The following UROD variants were observed in gnomAD, a reference collection of about 807,000 sequenced individuals.
The protein encoded by UROD is uroporphyrinogen III decarboxylase.
UROD carries 34 observed loss-of-function variants against 47.1 expected under a neutral mutation model. The ratio of observed to expected loss-of-function variants is 0.72; its 90% CI spans 0.55 to 0.96. The LOEUF is 0.96. Ranked by LOEUF, UROD falls within the 40% of genes least tolerant of loss-of-function variation. The pLI, the probability that UROD is intolerant of heterozygous loss-of-function variation, is 0.00. For missense variants in UROD, 381 were observed against 471.8 expected (o/e 0.81, Z 1.78); for synonymous variants, 148 against 175.8 (o/e 0.84, Z 1.25).
intron 1 of UROD, among the ~76,000 whole-genome samples, chr1:45,012,501 C>G (rs1239956148): frequency 6.6e-6 from 1 of 152,224 alleles, no homozygotes; most frequent in East Asian, 1.9e-4. Context: ...ACCAGGATCT[C>G]TATTCTGGGA....
At chr1:45,014,260 C>T (rs897066722) in intron 6 of UROD, 179 bp from the exon 7 acceptor site, 2 of 1,295,516 alleles carry the variant, frequency 1.5e-6, no homozygotes, top group Non-Finnish European at 1.1e-6. Context: ...AGTATTCAGA[C>T]ACCAAAGTTA....
In UROD at chr1:45,014,843, C is replaced by G; in HGVS notation, c.875+7C>G. 1 of 1,614,150 alleles carries G rather than the reference C, an allele frequency of 6.2e-7. No individual in the cohort carries two copies. Among genetic ancestry groups the G allele is most frequent in the Non-Finnish European group, 8.5e-7 (1 of 1,180,012 alleles). On this transcript the variant is annotated splice_region_variant and intron_variant, in intron 8 of 9. Coordinates refer to ENST00000246337, the MANE Select transcript of UROD (RefSeq NM_000374.5). ...TGGCCCCAAAGAAAGCCCGGTAAGC[C>G]ATGGAAGGGTGAGGCCTTGAGGTTG... is the stretch of plus-strand genomic sequence containing the variant.
At chr1:45,012,670 G>C (rs1009175901) in intron 1 of UROD, 1 of 801,418 alleles carries the variant, frequency 1.2e-6, no homozygotes, top group Middle Eastern at 3.7e-4. Flanking sequence ...TGGTTGCTTC[G>C]AGCTTGGAAG....
chr1:45,015,312 A>G (rs1289028929), intron 9 of UROD, 25 bp from the exon 10 acceptor site: 1 of 1,613,144 alleles, frequency 6.2e-7, no homozygotes, highest in Admixed American at 1.7e-5. Flanking sequence ...GTCCTCCTGT[A>G]GCCAGTGCCC....
At position 45,014,991 on chromosome 1, in the gene UROD, C is replaced by T. The variant is rs1484498915; in HGVS notation, c.927C>T (p.Ala309=). 2 of 1,613,872 alleles carry T rather than the reference C, an allele frequency of 1.2e-6. No homozygotes were observed. Among genetic ancestry groups the T allele is most frequent in the South Asian group, 2.2e-5 (2 of 91,052 alleles). The change falls in exon 9 of 10, where the codon GCC becomes GCT. Residue 309 remains alanine (A), a synonymous_variant. Coordinates refer to ENST00000246337, the MANE Select transcript of UROD (RefSeq NM_000374.5). ...TGCAGGGCAACCTGGACCCCTGTGCCTTGTATGCATCTGAGGTAACAGCCA... is the reference window on the plus strand; with the variant it reads ...TGCAGGGCAACCTGGACCCCTGTGCTTTGTATGCATCTGAGGTAACAGCCA... ...VTLQGNLDPC[A]LYASEEEIGQ... is the part of the protein sequence containing the mutation.
At chr1:45,014,368 G>A in intron 6 of UROD, 71 bp from the exon 7 acceptor site, 1 of 1,611,102 alleles carries the variant, frequency 6.2e-7, no homozygotes, top group South Asian at 1.1e-5. Flanking sequence ...GGAAAATTGA[G>A]GTGGATTTTG....
chr1:45,015,322 C>T lies in UROD; in HGVS notation c.943-15C>T. 1 of 1,613,650 alleles carries T rather than the reference C, an allele frequency of 6.2e-7. No individual in the cohort carries two copies. Among genetic ancestry groups the T allele is most frequent in the South Asian group, 1.1e-5 (1 of 91,014 alleles). ...TGCTGGTCCTCCTGTAGCCAGTGCC[C>T]TGTTGGTCCCCCAGGAGGAGATCGG... On this transcript the variant is annotated splice_polypyrimidine_tract_variant and intron_variant, in intron 9 of 9. Coordinates refer to ENST00000246337, the MANE Select transcript of UROD (RefSeq NM_000374.5).
chr1:45,013,710 A>G lies in UROD; in HGVS notation c.393A>G (p.Leu131=). ...ATCCAGAAGTGGTAGCCTCTGAGCT[A>G]GGCTATGTGTTCCAAGCCATCACCC... The part of the protein sequence containing the change: ...LRDPEVVASE[L]GYVFQAITLT... The change falls in exon 5 of 10, where the codon CTA becomes CTG. Residue 131 remains leucine (L), a synonymous_variant. Transcript: ENST00000246337. This position sits in a 1 kb window ranked among gnomAD's most constrained non-coding sequence, Gnocchi z 4.2. 1 of 1,614,154 alleles carries G rather than the reference A, an allele frequency of 6.2e-7. No individual in the cohort carries two copies. The highest frequency in any genetic ancestry group is 1.1e-5 in the South Asian group (1 of 91,090).
chr1:45,015,423 T>A lies in UROD; in HGVS notation c.1029T>A (p.Pro343=). The A allele has an allele frequency of 6.2e-7, 1 of 1,614,216 alleles. No homozygotes were observed. Among genetic ancestry groups the A allele is most frequent in the Non-Finnish European group, 8.5e-7 (1 of 1,180,040 alleles). The change falls in exon 10 of 10, where the codon CCT becomes CCA. Residue 343 remains proline, a synonymous_variant. Coordinates refer to ENST00000246337, the MANE Select transcript of UROD (RefSeq NM_000374.5). The stretch of plus-strand genomic sequence containing the variant: ...CCAACCTGGGCCATGGGCTTTATCC[T>A]GACATGGACCCAGAACATGTGGGCG... ...YIANLGHGLY[P]DMDPEHVGAF...
rs1644827139 is a variant in UROD at position 45,013,965 on chromosome 1, C to T, written c.531C>T (p.Ala177=). The T allele has an allele frequency of 6.2e-7, 1 of 1,614,234 alleles. No homozygotes were observed. Among genetic ancestry groups the T allele is most frequent in the Non-Finnish European group, 8.5e-7 (1 of 1,180,054 alleles). The change falls in exon 6 of 10, where the codon GCC becomes GCT. Residue 177 remains alanine (A), a synonymous_variant. Transcript: ENST00000246337. The surrounding 1 kb of genome is among the most constrained non-coding windows in gnomAD (Gnocchi z 4.2). ...GTGGCTCAAGCACCATGGCTCAGGCCAAGCGCTGGCTCTATCAGAGACCTC... is the reference window on the plus strand; with the variant it reads ...GTGGCTCAAGCACCATGGCTCAGGCTAAGCGCTGGCTCTATCAGAGACCTC... ...EGGGSSTMAQ[A]KRWLYQRPQA...
intron 8 of UROD, 37 bp downstream of exon 8, chr1:45,014,873 G>A (rs1644836246): frequency 6.2e-7 from 1 of 1,614,196 alleles, no homozygotes; most frequent in Non-Finnish European, 8.5e-7. Flanking sequence ...AGGTTGAGGT[G>A]GGGGTGTTGG....
At position 45,013,325 on chromosome 1, in the gene UROD, A is replaced by G. The variant is rs762209339; in HGVS notation, c.247A>G (p.Ile83Val). ...LRRFPLDAAI[I>V]FSDILVVPQA... ...TCGCTTCCCTCTGGATGCTGCCATC[A>G]TTTTCTCCGACATCCTTGTTGTACC... Residue 83 changes from isoleucine to valine, a missense_variant, in exon 4 of 10, where the codon ATT (isoleucine) becomes GTT (valine). By Grantham distance (29) the Ile-to-Val change is conservative. Coordinates refer to ENST00000246337, the MANE Select transcript of UROD (RefSeq NM_000374.5). This position sits in a 1 kb window ranked among gnomAD's most constrained non-coding sequence, Gnocchi z 4.2. 1.1e-5 allele frequency: 18 copies of G among 1,613,976 alleles called. No individual in the cohort carries two copies. The highest frequency in any genetic ancestry group is 1.4e-5 in the Non-Finnish European group (16 of 1,180,034).
At position 45,012,757 on chromosome 1, in the gene UROD, G is replaced by A. The variant is rs188908954; in HGVS notation, c.21-150G>A. 2.7e-5 allele frequency: 41 copies of A among 1,503,468 alleles called. No individual in the cohort carries two copies. In the Admixed American group the frequency reaches 3.6e-4, roughly 13 times the overall value. The allele number at this position is 1,503,468 out of a possible 1,614,324, so 93.1% of individuals were successfully genotyped here. ...TGTGCACCACCTGATAGGCAGAGAG[G>A]AGGCGGAACGGGCGGAAAGCCAGGG... is the stretch of plus-strand genomic sequence containing the variant. On this transcript the variant is annotated intron_variant, in intron 1 of 9. Transcript: ENST00000246337.
Position 45,014,044 on chromosome 1 carries a change from G to T in UROD, c.610G>T (p.Val204Leu). 7.4e-6 allele frequency: 12 copies of T among 1,614,238 alleles called. No homozygotes were observed. Among genetic ancestry groups the T allele is most frequent in the Non-Finnish European group, 1.0e-5 (12 of 1,180,040 alleles). ...ILTDALVPYL[V>L]GQVVAGAQAL... ...CACTGATGCTCTGGTCCCATATCTG[G>T]TAGGACAAGTGGTGGCTGGTGCCCA... is the stretch of plus-strand genomic sequence containing the variant. The change falls in exon 6 of 10, where the codon GTA becomes TTA. Residue 204 changes from valine to leucine, a missense_variant. By Grantham distance (32) the Val-to-Leu change is conservative. Transcript: ENST00000246337.
chr1:45,015,474 C>T lies in UROD; in HGVS notation c.1080C>T (p.His360=). The change falls in exon 10 of 10, where the codon CAC becomes CAT. Residue 360 remains histidine, a synonymous_variant. Coordinates refer to ENST00000246337, the MANE Select transcript of UROD (RefSeq NM_000374.5). ...VGAFVDAVHK[H]SRLLRQN Reference sequence around the variant, plus strand: ...CCTTTGTGGATGCTGTGCATAAACACTCACGTCTGCTTCGACAGAACTGAG... The same window carrying T: ...CCTTTGTGGATGCTGTGCATAAACATTCACGTCTGCTTCGACAGAACTGAG... 2.5e-6 allele frequency: 4 copies of T among 1,614,236 alleles called. No homozygotes were observed. Among genetic ancestry groups the T allele is most frequent in the Non-Finnish European group, 2.5e-6 (3 of 1,180,042 alleles).
chr1:45,012,650 C>G (rs543214090), intron 1 of UROD: 11 of 691,762 alleles, frequency 1.6e-5, no homozygotes, highest in Admixed American at 5.9e-5. Context: ...TTCCCTCCCC[C>G]CAGTCCCTCT....
rs1212272073 is a variant in UROD, at chr1:45,012,436, A to C, written c.20+151A>C. 4.3e-6 allele frequency: 5 copies of C among 1,149,534 alleles called. No individual in the cohort carries two copies. The African/African-American group carries it at 7.7e-5, about 18-fold the overall frequency. 71.2% of individuals were successfully genotyped at this position (1,149,534 alleles called of 1,614,324 possible). ...GGGATCCTGAATCCTAAAACCATGGATTTTTGAGATGTTCATCCCAGGGCC... is the reference window on the plus strand; with the variant it reads ...GGGATCCTGAATCCTAAAACCATGGCTTTTTGAGATGTTCATCCCAGGGCC... On this transcript the variant is annotated intron_variant, in intron 1 of 9. Transcript: ENST00000246337.
chr1:45,013,503 A>G lies in UROD; in HGVS notation c.277-91A>G. On this transcript the variant is annotated intron_variant, in intron 4 of 9. Coordinates refer to ENST00000246337, the MANE Select transcript of UROD (RefSeq NM_000374.5). This position sits in a 1 kb window ranked among gnomAD's most constrained non-coding sequence, Gnocchi z 4.2. The stretch of plus-strand genomic sequence containing the variant: ...AAGAAATGGAGTTTGGCAGAGTTTT[A>G]TTCTCCTTTTCCTTCCTCCTGGAAT... The G allele has an allele frequency of 9.3e-6, 15 of 1,606,274 alleles. No homozygotes were observed. The highest frequency in any genetic ancestry group is 1.3e-5 in the Non-Finnish European group (15 of 1,174,460).
At position 45,014,800 on chromosome 1, in the gene UROD, T is replaced by G; in HGVS notation, c.839T>G (p.Val280Gly). ...CTGGCCCAAGCTGGCTATGAGGTGGTTGGGCTTGACTGGACAGTGGCCCCA... is the reference window on the plus strand; with the variant it reads ...CTGGCCCAAGCTGGCTATGAGGTGGGTGGGCTTGACTGGACAGTGGCCCCA... Reference protein sequence around the residue: ...EELAQAGYEVVGLDWTVAPKK... With the variant: ...EELAQAGYEVGGLDWTVAPKK... Residue 280 changes from valine (V) to glycine (G), a missense_variant, in exon 8 of 10, where the codon GTT becomes GGT. Coordinates refer to ENST00000246337, the MANE Select transcript of UROD (RefSeq NM_000374.5). 6.2e-7 allele frequency: 1 copy of G among 1,614,242 alleles called. No individual in the cohort carries two copies. The highest frequency in any genetic ancestry group is 8.5e-7 in the Non-Finnish European group (1 of 1,180,040).
Sources: allele counts gnomAD v4.1 joint callset (sites outside exome capture counted in the v4.1 genomes callset), GRCh38; gene constraint gnomAD v4.1.1; non-coding constraint Gnocchi (gnomAD v3.1); transcripts MANE v1.5; gene names NCBI Gene and HGNC (gene_info 2026-07-23, HGNC 2026-07-21).